Variants in SP140 observed in about 807,000 individuals in gnomAD.
The protein encoded by SP140 is nuclear body protein SP140.
A neutral mutation model predicts 125.0 loss-of-function variants in SP140; 81 were observed. The ratio of observed to expected loss-of-function variants is 0.65; its 90% CI spans 0.54 to 0.78. SP140 has a LOEUF of 0.78. SP140 is among the 30% of genes least tolerant of loss of function. The pLI is 0.00. For synonymous variants in SP140, 312 were observed against 354.0 expected, an observed-to-expected ratio of 0.88 and a Z score of 1.33; for missense variants, 858 against 1,037.0, an observed-to-expected ratio of 0.83 and a Z score of 2.37.
downstream of SP140, among the ~76,000 whole-genome samples, chr2:230,316,282 T>C (rs1285794738): frequency 6.7e-6 from 1 of 149,750 alleles, no homozygotes. Flanking sequence ...AGGGGTTCAA[T>C]GGTCTGGAGC....
At chr2:230,249,921 C>T (rs1373847248) in intron 9 of SP140, among the ~76,000 whole-genome samples, 2 of 152,164 alleles carry the variant, frequency 1.3e-5, no homozygotes, top group African/African-American at 4.8e-5. Flanking sequence ...TACTCTTTCC[C>T]CAGTCTCATC....
chr2:230,282,509 A>C (rs1227380962), intron 15 of SP140, among the ~76,000 whole-genome samples: 1 of 152,038 alleles, frequency 6.6e-6, no homozygotes, highest in African/African-American at 2.4e-5. Context: ...ACATTTAACA[A>C]ATCTTGACCC....
chr2:230,288,461 C>G (rs1346773724), intron 18 of SP140, among the ~76,000 whole-genome samples: 12 of 57,568 alleles, frequency 2.1e-4, no homozygotes, highest in African/African-American at 7.8e-4. Context: ...AACTATCTTT[C>G]TTTCTTTCTT....
At chr2:230,190,763 T>A in the SP140 span, among the ~76,000 whole-genome samples, 1 of 152,316 alleles carries the variant, frequency 6.6e-6, no homozygotes, top group African/African-American at 2.4e-5. Flanking sequence ...CCAGTTTCAG[T>A]TTTCTGCATA....
intron 12 of SP140, among the ~76,000 whole-genome samples, 160 bp from the exon 13 acceptor site, chr2:230,269,372 C>G (rs1288278448): frequency 6.6e-6 from 1 of 151,450 alleles, no homozygotes; most frequent in African/African-American, 2.4e-5. Context: ...GAGCGTGGCT[C>G]TGTTATGTGT....
chr2:230,286,961 C>T (rs1380500942), intron 17 of SP140, among the ~76,000 whole-genome samples: 2 of 152,126 alleles, frequency 1.3e-5, no homozygotes, highest in African/African-American at 4.8e-5. Flanking sequence ...TGATCAGCAC[C>T]CCCAGATGGT....
upstream of SP140, among the ~76,000 whole-genome samples, chr2:230,221,271 A>C (rs865837297): frequency 6.7e-6 from 1 of 148,282 alleles, no homozygotes; most frequent in South Asian, 2.1e-4. Context: ...ACAGAGCAAG[A>C]CTCCATCTCG....
At chr2:230,298,913 A>G (rs2058019751) in intron 22 of SP140, among the ~76,000 whole-genome samples, 1 of 152,234 alleles carries the variant, frequency 6.6e-6, no homozygotes, top group Non-Finnish European at 1.5e-5. Context: ...CCTGTGCCTC[A>G]ACCCTGACCC....
chr2:230,239,321 C>G (rs1198203756), intron 3 of SP140, among the ~76,000 whole-genome samples: 1 of 152,186 alleles, frequency 6.6e-6, no homozygotes, highest in Non-Finnish European at 1.5e-5. Context: ...TGTGTATAAC[C>G]TATGCACATT....
the SP140 span, among the ~76,000 whole-genome samples, chr2:230,196,542 TTA>T: frequency 3.3e-5 from 5 of 151,988 alleles, no homozygotes; most frequent in Non-Finnish European, 4.4e-5. Flanking sequence ...TTTCTTTTTT[TTA>T]AAATTTTATT....
In SP140 at chr2:230,255,539, AC is replaced by A. The variant is rs753504417; in HGVS notation, c.1240+8del. ...CTAGCAAGACGTGGGTCAGGTAAGG[AC>A]GGGGGGGGGGATTTCTGGCCCTGGG... On this transcript the variant is annotated splice_region_variant and intron_variant, in intron 12 of 26. Coordinates refer to ENST00000392045, the MANE Select transcript of SP140 (RefSeq NM_007237.5). The A allele has an allele frequency of 8.0e-5, 116 of 1,454,768 alleles. No individual in the cohort carries two copies. The African/African-American group carries it at 1.3e-3, about 16-fold the overall frequency. The allele number at this position is 1,454,768 out of a possible 1,614,324, so 90.1% of individuals were successfully genotyped here.
At chr2:230,313,901 G>A (rs143117706), downstream of SP140, among the ~76,000 whole-genome samples, 756 of 152,316 alleles carry the variant, frequency 5.0e-3, 7 homozygotes, top group African/African-American at 0.017. Context: ...ACTATAAGAA[G>A]TATGGGTTTT....
At chr2:230,257,035 A>G (rs1450705305) in intron 12 of SP140, among the ~76,000 whole-genome samples, 1 of 152,296 alleles carries the variant, frequency 6.6e-6, no homozygotes, top group African/African-American at 2.4e-5. Context: ...AAGAAAAAAG[A>G]AAGAGCAGAG....
intron 15 of SP140, 69 bp downstream of exon 15, chr2:230,270,708 T>C: frequency 7.3e-7 from 1 of 1,372,380 alleles, no homozygotes; most frequent in Non-Finnish European, 1.0e-6. Context: ...AGTTTTAATT[T>C]TGTCATTGTT....
At chr2:230,238,962 T>C in intron 3 of SP140, 6 of 1,523,216 alleles carry the variant, frequency 3.9e-6, no homozygotes, top group Non-Finnish European at 5.3e-6. Context: ...GTGTGAGAGC[T>C]GACTCTGGAG....
chr2:230,221,491 C>G (rs184800560), upstream of SP140, among the ~76,000 whole-genome samples: 52 of 152,194 alleles, frequency 3.4e-4, no homozygotes, highest in African/African-American at 1.1e-3. Context: ...ATATCCCACC[C>G]TAGTATGTAC....
chr2:230,191,239 G>A, the SP140 span, among the ~76,000 whole-genome samples: 2 of 151,766 alleles, frequency 1.3e-5, no homozygotes. Context: ...AGCTAGAGAG[G>A]CAAGAGCAAG....
At chr2:230,243,115 G>C (rs1219566482) in intron 4 of SP140, among the ~76,000 whole-genome samples, 3 of 152,170 alleles carry the variant, frequency 2.0e-5, no homozygotes, top group African/African-American at 7.2e-5. Flanking sequence ...CTTCAAGGTG[G>C]AATAAAATTT....
At chr2:230,281,929 G>A (rs958776277) in intron 15 of SP140, among the ~76,000 whole-genome samples, 2 of 152,100 alleles carry the variant, frequency 1.3e-5, no homozygotes, top group African/African-American at 4.8e-5. Context: ...AAAATTGCCG[G>A]GATATAGAGT....
Sources: allele counts gnomAD v4.1 joint callset (sites outside exome capture counted in the v4.1 genomes callset), GRCh38; gene constraint gnomAD v4.1.1; transcripts MANE v1.5; gene names NCBI Gene and HGNC (gene_info 2026-07-23, HGNC 2026-07-21).